Variants in CHORDC1 observed in about 807,000 individuals in gnomAD.
CHORDC1 encodes cysteine and histidine-rich domain-containing protein 1.
In CHORDC1, 25 loss-of-function variants were observed where a neutral mutation model predicts 48.3. The ratio of observed to expected loss-of-function variants is 0.52; its 90% CI spans 0.38 to 0.72. The LOEUF is 0.72. CHORDC1 is among the 30% of genes least tolerant of loss of function. CHORDC1 has a pLI of 0.00. For synonymous variants in CHORDC1, 128 were observed against 126.4 expected (o/e 1.01, Z -0.09); for missense variants, 317 against 388.7 (o/e 0.82, Z 1.55).
intron 1 of CHORDC1, among the ~76,000 whole-genome samples, chr11:90,222,238 T>C (rs183025528): frequency 6.2e-4 from 94 of 152,286 alleles, no homozygotes; most frequent in African/African-American, 2.1e-3. Flanking sequence ...GGCATGGTAG[T>C]AAAACGTGGA....
intron 6 of CHORDC1, 30 bp from the exon 7 acceptor site, chr11:90,206,302 A>T (rs1301228346): frequency 1.7e-6 from 2 of 1,211,386 alleles, no homozygotes; most frequent in African/African-American, 1.5e-5. Context: ...AAAAAAAATT[A>T]GCTGCGTATC....
At position 90,201,896 on chromosome 11, in the gene CHORDC1, A is replaced by G. The variant is rs1276873381; in HGVS notation, c.*509T>C. On this transcript the variant is annotated 3_prime_UTR_variant, in exon 11 of 11. Transcript: ENST00000320585. ...TATATTCCCCTTTAGTTACTATACT[A>G]CCTCAGAATTAATCCTCCTTAAAAA... 6.6e-6 allele frequency: 1 copy of G among 152,332 alleles called. No homozygotes were observed. The highest frequency in any genetic ancestry group is 2.4e-5 in the African/African-American group (1 of 41,440). The allele number at this position is 152,332 out of a possible 1,614,324, so 9.4% of individuals were successfully genotyped here. A position where few individuals can be genotyped will look rare whatever the true frequency, so the allele number is the denominator to read the frequency against.
chr11:90,218,075 T>C, intron 2 of CHORDC1, 60 bp downstream of exon 2: 1 of 1,190,498 alleles, frequency 8.4e-7, no homozygotes, highest in Non-Finnish European at 1.2e-6. Flanking sequence ...AATAAAGATT[T>C]AGTATTACAT....
Position 90,202,949 on chromosome 11 carries a change from A to G in CHORDC1, c.790-74T>C, listed in dbSNP as rs1404613413. On this transcript the variant is annotated intron_variant, in intron 9 of 10. Coordinates refer to ENST00000320585, the MANE Select transcript of CHORDC1 (RefSeq NM_012124.3). ...ATGCTATCAAACACTGATTATAAAA[A>G]TAAGACTGACAAAAATGAATTAAGC... The G allele has an allele frequency of 2.0e-6, 3 of 1,464,152 alleles. No individual in the cohort carries two copies. In the South Asian group the frequency reaches 4.1e-5, roughly 20 times the overall value. The allele number at this position is 1,464,152 out of a possible 1,614,324, so 90.7% of individuals were successfully genotyped here.
chr11:90,206,153 C>T (rs1424318673), intron 7 of CHORDC1, 49 bp downstream of exon 7: 1 of 1,134,726 alleles, frequency 8.8e-7, no homozygotes, highest in Non-Finnish European at 1.3e-6. Flanking sequence ...AAAGGTTTAA[C>T]TTTCTAAATT....
intron 1 of CHORDC1, among the ~76,000 whole-genome samples, chr11:90,218,895 T>G (rs1858088143): frequency 6.6e-6 from 1 of 151,954 alleles, no homozygotes; most frequent in Non-Finnish European, 1.5e-5. Context: ...GTGACAGCCT[T>G]GTGTGTGATC....
At chr11:90,216,190 AG>A (rs1296293587) in intron 2 of CHORDC1, among the ~76,000 whole-genome samples, 2 of 152,168 alleles carry the variant, frequency 1.3e-5, no homozygotes, top group African/African-American at 4.8e-5. Flanking sequence ...TTATTCTATA[AG>A]AGAAAAAGTT....
chr11:90,215,364 A>G, intron 2 of CHORDC1, 134 bp from the exon 3 acceptor site: 1 of 478,092 alleles, frequency 2.1e-6, no homozygotes, highest in Non-Finnish European at 3.8e-6. Flanking sequence ...TCAGTGTTGC[A>G]TATAATTCAC....
intron 4 of CHORDC1, chr11:90,211,539 A>G: frequency 2.5e-6 from 1 of 397,056 alleles, no homozygotes; most frequent in East Asian, 5.7e-5. Flanking sequence ...GTCTCAAATA[A>G]TCACGCTATT....
At chr11:90,212,877 C>T (rs966185144) in intron 4 of CHORDC1, 4 of 152,076 alleles carry the variant, frequency 2.6e-5, no homozygotes, top group African/African-American at 9.7e-5. Context: ...CCCTCCTAGG[C>T]TTCTCAAAGT....
Position 90,202,170 on chromosome 11 carries a change from A to C in CHORDC1, c.*235T>G, listed in dbSNP as rs1857556767. 1 of 458,226 alleles carries C rather than the reference A, an allele frequency of 2.2e-6. No individual in the cohort carries two copies. Among genetic ancestry groups the C allele is most frequent in the Non-Finnish European group, 3.9e-6 (1 of 258,666 alleles). 28.4% of individuals were successfully genotyped at this position (458,226 alleles called of 1,614,324 possible). On this transcript the variant is annotated 3_prime_UTR_variant, in exon 11 of 11. Transcript: ENST00000320585. Reference sequence around the variant, plus strand: ...TTTCCAGCCTCTTCAAGTATAGGACACAACTATGGTTCCTACCAGTAGGGA... The same window carrying C: ...TTTCCAGCCTCTTCAAGTATAGGACCCAACTATGGTTCCTACCAGTAGGGA...
In CHORDC1 at chr11:90,202,424, T is replaced by G. The variant is rs769792213; in HGVS notation, c.980A>C (p.Lys327Thr). 2.5e-6 allele frequency: 4 copies of G among 1,611,762 alleles called. No homozygotes were observed. The East Asian group carries it at 8.9e-5, about 36-fold the overall frequency. The change falls in exon 11 of 11, where the codon AAA becomes ACA. Residue 327 changes from lysine to threonine, a missense_variant. Coordinates refer to ENST00000320585, the MANE Select transcript of CHORDC1 (RefSeq NM_012124.3). ...LPAAKKQEKQ[K>T]DATTD ...TCCCACTCAATCTGTTGTGGCATCT[T>G]TTTGTTTTTCCTGCTTTTTAGCTGC...
chr11:90,219,064 G>T (rs780108794), intron 1 of CHORDC1, among the ~76,000 whole-genome samples: 1 of 151,726 alleles, frequency 6.6e-6, no homozygotes, highest in East Asian at 1.9e-4. Flanking sequence ...TCAGGAGTAC[G>T]AGACCAGCCT....
intron 8 of CHORDC1, 121 bp downstream of exon 8, chr11:90,205,339 G>A: frequency 2.9e-6 from 2 of 683,888 alleles, no homozygotes; most frequent in Middle Eastern, 4.0e-4. Flanking sequence ...TCACATCAAA[G>A]CTCTATGGTG....
intron 1 of CHORDC1, chr11:90,222,555 C>A: frequency 1.9e-6 from 1 of 535,596 alleles, no homozygotes; most frequent in South Asian, 1.6e-5. Context: ...TCCCCAGAGA[C>A]TGGAGGGCCA....
intron 1 of CHORDC1, among the ~76,000 whole-genome samples, chr11:90,220,826 C>G (rs1190837501): frequency 1.3e-5 from 2 of 152,104 alleles, no homozygotes; most frequent in Non-Finnish European, 2.9e-5. Flanking sequence ...GGCTAAATTT[C>G]TCACTGAGCT....
intron 7 of CHORDC1, chr11:90,205,840 C>T (rs1231733589): frequency 4.4e-6 from 2 of 454,602 alleles, no homozygotes; most frequent in Admixed American, 4.1e-5. Context: ...TATGGGTCGT[C>T]TTGGGATAAT....
At chr11:90,213,481 G>A (rs1328852455) in intron 4 of CHORDC1, 1 of 665,358 alleles carries the variant, frequency 1.5e-6, no homozygotes, top group South Asian at 1.7e-5. Flanking sequence ...TTATCAGAAG[G>A]CAAGTATGAA....
intron 8 of CHORDC1, among the ~76,000 whole-genome samples, chr11:90,204,267 A>G (rs975606934): frequency 3.3e-5 from 5 of 152,200 alleles, no homozygotes; most frequent in African/African-American, 1.2e-4. Flanking sequence ...CAAACTTAAC[A>G]TAATGGAAAA....
Sources: gnomAD v4.1 joint callset for allele counts (sites outside exome capture counted in the v4.1 genomes callset) on GRCh38, gnomAD v4.1.1 for gene constraint, MANE v1.5 for transcripts, NCBI Gene and HGNC (gene_info 2026-07-23, HGNC 2026-07-21) for gene names.